Variants in TBX19 observed in about 807,000 individuals in gnomAD.
TBX19 encodes T-box transcription factor 19.
Under a neutral mutation model 40.9 loss-of-function variants are expected in TBX19, and 33 were observed. The ratio of observed to expected loss-of-function variants is 0.81; its 90% confidence interval spans 0.61 to 1.08. The LOEUF is 1.08. TBX19 is among the 50% of genes least tolerant of loss of function. The pLI is 0.00. For synonymous variants in TBX19, 220 were observed against 225.0 expected, an observed-to-expected ratio of 0.98 and a Z score of 0.20; for missense variants, 494 against 574.0, an observed-to-expected ratio of 0.86 and a Z score of 1.42.
rs527904550 is a variant in TBX19, at chr1:168,281,701, A to G, written c.203+408A>G. Reference sequence around the variant, plus strand: ...TTTGGAAGCTGGATGATCTCCTCCTAAGTATAGCAAACTTGCCAGAAATGT... The same window carrying G: ...TTTGGAAGCTGGATGATCTCCTCCTGAGTATAGCAAACTTGCCAGAAATGT... On this transcript the variant is annotated intron_variant, in intron 1 of 7. Coordinates refer to ENST00000367821, the MANE Select transcript of TBX19 (RefSeq NM_005149.3). 4.6e-5 allele frequency among the ~76,000 whole-genome samples: 7 copies of G among 152,316 alleles called. No individual in the cohort carries two copies. In the East Asian group the frequency reaches 1.2e-3, roughly 25 times the overall value.
At chr1:168,298,549 A>G (rs973470540) in intron 4 of TBX19, among the ~76,000 whole-genome samples, 1 of 152,166 alleles carries the variant, frequency 6.6e-6, no homozygotes. Flanking sequence ...TGGGGGTATG[A>G]GTGATGATTC....
At position 168,308,807 on chromosome 1, in the gene TBX19, T is replaced by G. The variant is rs1649463151; in HGVS notation, c.982T>G (p.Leu328Val). The change falls in exon 7 of 8, where the codon TTA becomes GTA. Residue 328 changes from leucine to valine, a missense_variant. This residue lies in a region of TBX19 where 284 missense variants were observed against 307.3 expected (regional missense o/e 0.92). Transcript: ENST00000367821. ...CTCGGGACCTGACAGCTGGACTTCCTTATCCTCCACACCCCATGCCAGCAT... is the reference window on the plus strand; with the variant it reads ...CTCGGGACCTGACAGCTGGACTTCCGTATCCTCCACACCCCATGCCAGCAT... ...VFSGPDSWTS[L>V]SSTPHASILS... 2 of 1,614,018 alleles carry G rather than the reference T, an allele frequency of 1.2e-6. No homozygotes were observed. The highest frequency in any genetic ancestry group is 1.7e-5 in the Admixed American group (1 of 59,996).
Position 168,297,728 on chromosome 1 carries a change from C to T in TBX19, c.608C>T (p.Thr203Met), listed in dbSNP as rs748717639. Reference sequence around the variant, plus strand: ...TCTTGTCTTTGTAAATGCAAGATAACGGCTCTCAAAATCAAGTACAATCCT... The same window carrying T: ...TCTTGTCTTTGTAAATGCAAGATAATGGCTCTCAAAATCAAGTACAATCCT... ...AVTAYQNEEI[T>M]ALKIKYNPFA... The change falls in exon 4 of 8, where the codon ACG (threonine) becomes ATG (methionine). Residue 203 changes from threonine (T) to methionine (M), a missense_variant. Around this residue, in one of 3 missense-constraint regions of TBX19, gnomAD observed 9 missense variants for 31.5 expected, o/e 0.29. Coordinates refer to ENST00000367821, the MANE Select transcript of TBX19 (RefSeq NM_005149.3). The T allele has an allele frequency of 1.2e-5, 19 of 1,613,858 alleles. No individual in the cohort carries two copies. The highest frequency in any genetic ancestry group is 2.2e-5 in the South Asian group (2 of 91,072).
In TBX19 at chr1:168,305,182, A is replaced by G. The variant is rs1410593133; in HGVS notation, c.902A>G (p.Asn301Ser). The change falls in exon 6 of 8, where the codon AAC becomes AGC. Residue 301 changes from asparagine (N) to serine (S), a missense_variant. Physicochemically the swap from Asn to Ser is conservative, Grantham distance 46. This residue lies in a region of TBX19 where 284 missense variants were observed against 307.3 expected (regional missense o/e 0.92). Transcript: ENST00000367821. ...TACCCTTCTGCGTACATGCACAGAA[A>G]CCATTCTCCCTCAGGTCTGTGACTC... ...APYPSAYMHR[N>S]HSPSVNLIES... The G allele has an allele frequency of 6.2e-7, 1 of 1,612,102 alleles. No individual in the cohort carries two copies. Among genetic ancestry groups the G allele is most frequent in the Non-Finnish European group, 8.5e-7 (1 of 1,180,016 alleles).
chr1:168,312,388 T>C (rs1484528501), intron 7 of TBX19, among the ~76,000 whole-genome samples: 1 of 152,228 alleles, frequency 6.6e-6, no homozygotes, highest in African/African-American at 2.4e-5. Flanking sequence ...AATACCTTTT[T>C]TTCTACTGCC....
At chr1:168,292,049 C>G (rs1648955879) in intron 2 of TBX19, among the ~76,000 whole-genome samples, 1 of 152,122 alleles carries the variant, frequency 6.6e-6, no homozygotes, top group African/African-American at 2.4e-5. Flanking sequence ...TTGCTAGTTA[C>G]TTTCTGTAAT....
intron 3 of TBX19, among the ~76,000 whole-genome samples, chr1:168,294,460 A>C (rs1649050684): frequency 6.6e-6 from 1 of 151,538 alleles, no homozygotes; most frequent in Non-Finnish European, 1.5e-5. Flanking sequence ...CAGCCTTCCG[A>C]GTAGCTAGGA....
At chr1:168,306,731 G>A (rs1649413706) in intron 6 of TBX19, among the ~76,000 whole-genome samples, 1 of 151,950 alleles carries the variant, frequency 6.6e-6, no homozygotes. Flanking sequence ...AACATCACCT[G>A]GGAACTTGTT....
rs115894164 is a variant in TBX19 at position 168,313,569 on chromosome 1, C to G, written c.*567C>G. Reference sequence around the variant, plus strand: ...GTGGAAATGAAGTCATGTCACTCCTCTGCTCAGAAACCTTCAATGGTTCAC... The same window carrying G: ...GTGGAAATGAAGTCATGTCACTCCTGTGCTCAGAAACCTTCAATGGTTCAC... On this transcript the variant is annotated 3_prime_UTR_variant, in exon 8 of 8. Transcript: ENST00000367821. 393 of 165,920 alleles carry G rather than the reference C, an allele frequency of 2.4e-3. 3 individuals carry two copies. Among genetic ancestry groups the G allele is most frequent in the African/African-American group, 9.0e-3 (376 of 41,690 alleles). 10.3% of individuals were successfully genotyped at this position (165,920 alleles called of 1,614,324 possible). A position where few individuals can be genotyped will look rare whatever the true frequency, so the allele number is the denominator to read the frequency against.
At position 168,281,427 on chromosome 1, in the gene TBX19, G is replaced by A. The variant is rs979525823; in HGVS notation, c.203+134G>A. The A allele has an allele frequency of 3.7e-6, 3 of 809,852 alleles. No individual in the cohort carries two copies. The African/African-American group carries it at 5.1e-5, about 14-fold the overall frequency. 50.2% of individuals were successfully genotyped at this position (809,852 alleles called of 1,614,324 possible). ...ATTAAACATGCTTACAGGAACGACT[G>A]TCTCCAATGGCTTTCCTCCAGCCAA... On this transcript the variant is annotated intron_variant, in intron 1 of 7. Transcript: ENST00000367821.
intron 3 of TBX19, among the ~76,000 whole-genome samples, chr1:168,296,599 G>T (rs1179193732): frequency 6.6e-6 from 1 of 152,058 alleles, no homozygotes; most frequent in Admixed American, 6.6e-5. Context: ...CCCACAACAC[G>T]TGGGAATTAT....
At chr1:168,305,507 C>T (rs922490353) in intron 6 of TBX19, among the ~76,000 whole-genome samples, 1 of 152,108 alleles carries the variant, frequency 6.6e-6, no homozygotes, top group Non-Finnish European at 1.5e-5. Flanking sequence ...CTCTAAAAGC[C>T]ATGTCAAGTT....
At position 168,308,728 on chromosome 1, in the gene TBX19, G is replaced by A. The variant is rs71632355; in HGVS notation, c.917-14G>A. The A allele has an allele frequency of 0.029, 46,886 of 1,613,978 alleles. 1,318 individuals carry two copies. Among genetic ancestry groups the A allele is most frequent in the South Asian group, 0.12 (11,354 of 91,064 alleles). On this transcript the variant is annotated splice_polypyrimidine_tract_variant and intron_variant, in intron 6 of 7. Coordinates refer to ENST00000367821, the MANE Select transcript of TBX19 (RefSeq NM_005149.3). ...TACATTTGCTATCAATTCAACTGTT[G>A]TTATTTCCCCAAGTGAATTTGATAG...
At chr1:168,308,510 A>G in intron 6 of TBX19, 1 of 544,974 alleles carries the variant, frequency 1.8e-6, no homozygotes, top group Admixed American at 2.9e-5. Flanking sequence ...TATAAGATGG[A>G]GTTAAGGAGT....
At chr1:168,288,948 A>T (rs1648872624) in intron 1 of TBX19, among the ~76,000 whole-genome samples, 1 of 152,068 alleles carries the variant, frequency 6.6e-6, no homozygotes, top group South Asian at 2.1e-4. Flanking sequence ...TTTTATGGAG[A>T]TGGGGTTTTG....
chr1:168,298,648 T>G (rs1367089103), intron 4 of TBX19, among the ~76,000 whole-genome samples: 1 of 151,448 alleles, frequency 6.6e-6, no homozygotes, highest in Non-Finnish European at 1.5e-5. Context: ...TTCCCTTCTT[T>G]CCCTTTCCTT....
intron 6 of TBX19, among the ~76,000 whole-genome samples, chr1:168,306,194 T>C (rs753054158): frequency 1.3e-5 from 2 of 152,214 alleles, no homozygotes; most frequent in Non-Finnish European, 2.9e-5. Flanking sequence ...GGGGAGATTA[T>C]GTAGCTTACC....
chr1:168,287,305 C>A (rs147857889), intron 1 of TBX19, among the ~76,000 whole-genome samples: 1 of 152,286 alleles, frequency 6.6e-6, no homozygotes, highest in African/African-American at 2.4e-5. Context: ...TCTAAGTGCA[C>A]CTCCTCTAAC....
At chr1:168,290,695 G>GC (rs1425661545) in intron 1 of TBX19, among the ~76,000 whole-genome samples, 2 of 152,048 alleles carry the variant, frequency 1.3e-5, no homozygotes, top group African/African-American at 4.8e-5. Flanking sequence ...GGATTACCAT[G>GC]CCCAGCTAAT....
Sources: allele counts gnomAD v4.1 joint callset (sites outside exome capture counted in the v4.1 genomes callset), GRCh38; gene constraint gnomAD v4.1.1; regional missense constraint gnomAD v4.1.1; transcripts MANE v1.5; gene names NCBI Gene and HGNC (gene_info 2026-07-23, HGNC 2026-07-21).